The following FOCAD variants were observed in gnomAD, a reference collection of about 807,000 sequenced individuals.
FOCAD encodes the protein KIAA1797.
In FOCAD, 198 loss-of-function variants were observed where a neutral mutation model predicts 225.6. The observed-to-expected ratio is 0.88, with a 90% CI of 0.78 to 0.99. FOCAD has a LOEUF of 0.99. Among genes scored for constraint, FOCAD ranks in the 50% least tolerant of loss-of-function variants. FOCAD has a pLI of 0.00. For missense variants in FOCAD, 2,713 were observed against 2,123.6 expected (o/e 1.28, Z -5.46); for synonymous variants, 897 against 755.0 (o/e 1.19, Z -3.08).
chr9:20,816,274 A>T (rs1823720175), intron 11 of FOCAD, among the ~76,000 whole-genome samples: 1 of 152,204 alleles, frequency 6.6e-6, no homozygotes, highest in Admixed American at 6.6e-5. Context: ...CCCTTCTAAA[A>T]ACTAAGAATC....
intron 4 of FOCAD, among the ~76,000 whole-genome samples, chr9:20,723,431 C>G (rs937587985): frequency 6.6e-6 from 1 of 152,150 alleles, no homozygotes; most frequent in African/African-American, 2.4e-5. Flanking sequence ...GATCTTGCAG[C>G]GAGCTGAAGC....
intron 1 of FOCAD, among the ~76,000 whole-genome samples, chr9:20,708,155 T>C (rs1325894318): frequency 6.6e-6 from 1 of 152,164 alleles, no homozygotes; most frequent in African/African-American, 2.4e-5. Context: ...TAAAATCAGC[T>C]CAAAATTTAT....
intron 28 of FOCAD, among the ~76,000 whole-genome samples, chr9:20,938,090 G>C (rs1271112847): frequency 4.6e-5 from 7 of 152,070 alleles, no homozygotes; most frequent in Admixed American, 3.9e-4. Context: ...ACAGGTGCTA[G>C]AGAGGATGTG....
intron 10 of FOCAD, among the ~76,000 whole-genome samples, chr9:20,784,819 C>T (rs1819746187): frequency 1.3e-5 from 2 of 152,138 alleles, no homozygotes; most frequent in Admixed American, 6.6e-5. Context: ...CATTGTCCTA[C>T]TTATGGCTAA....
At chr9:20,748,522 G>C (rs907156360) in intron 5 of FOCAD, among the ~76,000 whole-genome samples, 6 of 152,054 alleles carry the variant, frequency 3.9e-5, no homozygotes, top group African/African-American at 1.4e-4. Flanking sequence ...TATGGTTTCA[G>C]AGGGCTTGTA....
intron 5 of FOCAD, among the ~76,000 whole-genome samples, chr9:20,753,762 A>G (rs1409919405): frequency 6.6e-6 from 1 of 152,112 alleles, no homozygotes; most frequent in Non-Finnish European, 1.5e-5. Flanking sequence ...TGATTATGAT[A>G]GTGTTCTGTA....
chr9:20,948,488 T>C lies in FOCAD; in HGVS notation c.3798+95T>C, dbSNP rs181579923. The C allele has an allele frequency of 1.3e-5, 17 of 1,342,094 alleles. No homozygotes were observed. In the East Asian group the frequency reaches 3.9e-4, roughly 30 times the overall value. The allele number at this position is 1,342,094 out of a possible 1,614,324, so 83.1% of individuals were successfully genotyped here. ...TATAGGAGTTGCTGAGATATATACG[T>C]TAATGGTAAAAGAATAGGCAATTTT... On this transcript the variant is annotated intron_variant, in intron 31 of 43. Transcript: ENST00000338382.
intron 24 of FOCAD, among the ~76,000 whole-genome samples, chr9:20,918,417 A>G (rs1834053554): frequency 6.6e-6 from 1 of 152,212 alleles, no homozygotes; most frequent in Non-Finnish European, 1.5e-5. Context: ...TCATGGTATT[A>G]CCTTCTCATC....
At chr9:20,844,831 A>G (rs1167915930) in intron 15 of FOCAD, among the ~76,000 whole-genome samples, 4 of 152,112 alleles carry the variant, frequency 2.6e-5, no homozygotes, top group African/African-American at 9.7e-5. Context: ...AATGAAGTTA[A>G]TGTGATGGGT....
chr9:20,870,496 AC>A (rs1829664145), intron 18 of FOCAD, among the ~76,000 whole-genome samples: 1 of 152,210 alleles, frequency 6.6e-6, no homozygotes, highest in Non-Finnish European at 1.5e-5. Flanking sequence ...GTTGGACTTA[AC>A]GATTTTTCAA....
intron 35 of FOCAD, among the ~76,000 whole-genome samples, chr9:20,954,342 A>G (rs768457148): frequency 6.6e-6 from 1 of 152,210 alleles, no homozygotes; most frequent in African/African-American, 2.4e-5. Context: ...TGGCCAAACT[A>G]GTGCTAGGAA....
At chr9:20,752,673 T>C (rs1828678766) in intron 5 of FOCAD, among the ~76,000 whole-genome samples, 1 of 152,146 alleles carries the variant, frequency 6.6e-6, no homozygotes, top group Admixed American at 6.5e-5. Flanking sequence ...AACTTTAAAG[T>C]AGTTTTTTCC....
At chr9:20,896,321 ATTC>A (rs1000682392) in intron 21 of FOCAD, among the ~76,000 whole-genome samples, 1 of 151,752 alleles carries the variant, frequency 6.6e-6, no homozygotes, top group African/African-American at 2.4e-5. Flanking sequence ...GAGATTTCCT[ATTC>A]TTGTTAATAC....
chr9:20,824,966 C>G (rs1342634229), intron 15 of FOCAD, among the ~76,000 whole-genome samples: 1 of 151,782 alleles, frequency 6.6e-6, no homozygotes, highest in Non-Finnish European at 1.5e-5. Context: ...TACCAATGTC[C>G]AGAATTGTGG....
intron 2 of FOCAD, among the ~76,000 whole-genome samples, chr9:20,672,426 A>C (rs1377055999): frequency 2.0e-5 from 3 of 152,214 alleles, no homozygotes; most frequent in East Asian, 3.8e-4. Context: ...GAAATCAATA[A>C]GTTATAACTT....
chr9:20,706,909 G>T (rs1005095724), intron 1 of FOCAD, among the ~76,000 whole-genome samples: 1 of 152,178 alleles, frequency 6.6e-6, no homozygotes, highest in African/African-American at 2.4e-5. Flanking sequence ...CTTCATGTGC[G>T]TGGTTGTGTC....
Position 20,912,961 on chromosome 9 carries a change from G to A in FOCAD, c.2807+7G>A. The A allele has an allele frequency of 2.5e-6, 4 of 1,608,912 alleles. No homozygotes were observed. The South Asian group carries it at 3.3e-5, about 13-fold the overall frequency. On this transcript the variant is annotated splice_region_variant and intron_variant, in intron 23 of 43. Transcript: ENST00000338382. The stretch of plus-strand genomic sequence containing the variant: ...AAAGCACAGCCTGGCTCTGGTAAGT[G>A]TTCATGTTCAGCTGCCCATTATTTG...
At chr9:20,768,712 C>A (rs565903544) in intron 7 of FOCAD, among the ~76,000 whole-genome samples, 3 of 152,184 alleles carry the variant, frequency 2.0e-5, no homozygotes, top group Non-Finnish European at 4.4e-5. Context: ...GTTGACCAAT[C>A]ATGAAAGAAT....
chr9:20,748,097 A>T (rs2131717372), intron 5 of FOCAD, among the ~76,000 whole-genome samples: 1 of 152,164 alleles, frequency 6.6e-6, no homozygotes. Context: ...ACCTGAAGGG[A>T]TCTCCTGAGG....
Sources: allele counts gnomAD v4.1 joint callset (sites outside exome capture counted in the v4.1 genomes callset), GRCh38; gene constraint gnomAD v4.1.1; transcripts MANE v1.5; gene names NCBI Gene and HGNC (gene_info 2026-07-23, HGNC 2026-07-21).